The following LYN variants were observed in gnomAD, a reference collection of about 807,000 sequenced individuals.
LYN encodes the protein tyrosine-protein kinase Lyn.
A neutral mutation model predicts 65.0 loss-of-function variants in LYN; 12 were observed. That is an observed-to-expected ratio of 0.18 (90% confidence interval 0.12 to 0.30). LYN has a LOEUF of 0.30. Among genes scored for constraint, LYN ranks in the 10% least tolerant of loss-of-function variants. LYN has a pLI of 1.00. For synonymous variants in LYN, 222 were observed against 221.2 expected (o/e 1.00, Z -0.03); for missense variants, 380 against 623.2 (o/e 0.61, Z 4.16).
intron 12 of LYN, among the ~76,000 whole-genome samples, chr8:56,005,195 C>G (rs1403965301): frequency 6.6e-6 from 1 of 152,226 alleles, no homozygotes; most frequent in African/African-American, 2.4e-5. Context: ...TTCTCAGTCT[C>G]TACTTTAGAG....
At chr8:55,882,355 A>G (rs980954270) in intron 1 of LYN, among the ~76,000 whole-genome samples, 2 of 152,230 alleles carry the variant, frequency 1.3e-5, no homozygotes, top group East Asian at 1.9e-4. Flanking sequence ...TTTTACTTCT[A>G]TCTGCAATAT....
At chr8:55,880,652 G>A (rs1254651806) in intron 1 of LYN, among the ~76,000 whole-genome samples, 1 of 152,224 alleles carries the variant, frequency 6.6e-6, no homozygotes, top group Admixed American at 6.5e-5. Context: ...TGGTGGCCCC[G>A]GGCAGGAGCG....
chr8:56,003,062 GTT>G (rs749463299), intron 12 of LYN, among the ~76,000 whole-genome samples: 10 of 136,834 alleles, frequency 7.3e-5, no homozygotes, highest in Admixed American at 1.5e-4. Flanking sequence ...TTTGTTTTTT[GTT>G]TTTTTTTTTT....
chr8:55,952,517 G>A (rs1350019168), intron 7 of LYN, among the ~76,000 whole-genome samples: 2 of 152,142 alleles, frequency 1.3e-5, no homozygotes, highest in Non-Finnish European at 1.5e-5. Context: ...CTGAGATCGC[G>A]CCACTGCACT....
intron 10 of LYN, among the ~76,000 whole-genome samples, chr8:55,989,074 G>A (rs1468054336): frequency 1.3e-5 from 2 of 152,160 alleles, no homozygotes; most frequent in Non-Finnish European, 2.9e-5. Flanking sequence ...GTAGCAGCCG[G>A]GTATGTGTGC....
chr8:55,973,818 C>A (rs1322911197), intron 10 of LYN, among the ~76,000 whole-genome samples: 1 of 152,196 alleles, frequency 6.6e-6, no homozygotes, highest in Non-Finnish European at 1.5e-5. Context: ...AAGTGGCATG[C>A]ACCTATTGTC....
intron 1 of LYN, among the ~76,000 whole-genome samples, chr8:55,903,124 T>C (rs896055009): frequency 9.2e-5 from 14 of 151,894 alleles, no homozygotes; most frequent in African/African-American, 1.5e-4. Context: ...TGGGATTACA[T>C]GCGTGAGCCA....
At chr8:55,897,799 G>A (rs1227001301) in intron 1 of LYN, among the ~76,000 whole-genome samples, 2 of 152,086 alleles carry the variant, frequency 1.3e-5, no homozygotes, top group Non-Finnish European at 2.9e-5. Context: ...TGTATTCCCA[G>A]CTACTCAGGA....
chr8:55,947,742 G>T lies in LYN; in HGVS notation c.284+19G>T, dbSNP rs1806826274. On this transcript the variant is annotated intron_variant, in intron 4 of 12. Coordinates refer to ENST00000519728, the MANE Select transcript of LYN (RefSeq NM_002350.4). Reference sequence around the variant, plus strand: ...TGGAGGAGTAAGTGCTCTCAAGCACGCCACGGCTGCTCGTTTCCTCAGGCC... The same window carrying T: ...TGGAGGAGTAAGTGCTCTCAAGCACTCCACGGCTGCTCGTTTCCTCAGGCC... 2.0e-6 allele frequency: 3 copies of T among 1,537,990 alleles called. No homozygotes were observed. Among genetic ancestry groups the T allele is most frequent in the Non-Finnish European group, 2.7e-6 (3 of 1,111,136 alleles).
At chr8:55,907,048 C>T (rs569157209) in intron 1 of LYN, among the ~76,000 whole-genome samples, 24 of 152,310 alleles carry the variant, frequency 1.6e-4, no homozygotes, top group Non-Finnish European at 2.4e-4. Flanking sequence ...AATCTACATA[C>T]ATCTACCTCA....
intron 8 of LYN, among the ~76,000 whole-genome samples, chr8:55,965,879 C>T (rs1368501898): frequency 6.6e-6 from 1 of 152,060 alleles, no homozygotes; most frequent in Non-Finnish European, 1.5e-5. Flanking sequence ...AATCCCAGCA[C>T]TTTGGGAGGC....
intron 8 of LYN, among the ~76,000 whole-genome samples, chr8:55,954,256 T>A (rs1457328489): frequency 6.6e-6 from 1 of 152,244 alleles, no homozygotes; most frequent in African/African-American, 2.4e-5. Context: ...TATTTCTTCA[T>A]GATTCCCTCA....
At chr8:55,919,986 T>C (rs1226038344) in intron 1 of LYN, among the ~76,000 whole-genome samples, 2 of 152,206 alleles carry the variant, frequency 1.3e-5, no homozygotes, top group Non-Finnish European at 2.9e-5. Flanking sequence ...TAACATGGCT[T>C]GAGGCTGAAA....
intron 1 of LYN, among the ~76,000 whole-genome samples, chr8:55,921,901 C>T (rs566733688): frequency 2.0e-5 from 3 of 152,222 alleles, no homozygotes; most frequent in African/African-American, 7.2e-5. Context: ...TTACAAGTGC[C>T]GAACAATGTT....
chr8:55,898,362 C>G (rs1218207431), intron 1 of LYN, among the ~76,000 whole-genome samples: 1 of 152,040 alleles, frequency 6.6e-6, no homozygotes, highest in African/African-American at 2.4e-5. Flanking sequence ...ACTCTTGGCT[C>G]ACTGCAACCT....
chr8:55,972,036 G>T (rs16922494), intron 10 of LYN, among the ~76,000 whole-genome samples: 32,617 of 151,952 alleles, frequency 0.21, 3,590 homozygotes, highest in Middle Eastern at 0.27. Flanking sequence ...GGCACCAGTG[G>T]TCTCCATCCA....
At chr8:55,966,368 A>ATT (rs34484836) in intron 8 of LYN, among the ~76,000 whole-genome samples, 102 of 147,832 alleles carry the variant, frequency 6.9e-4, no homozygotes, top group Admixed American at 1.5e-3. Flanking sequence ...TGAAGTTTTA[A>ATT]TTTTTTTTTT....
At chr8:55,953,200 G>A (rs1807002952) in intron 7 of LYN, among the ~76,000 whole-genome samples, 1 of 152,196 alleles carries the variant, frequency 6.6e-6, no homozygotes, top group South Asian at 2.1e-4. Flanking sequence ...ATGGTGCCCT[G>A]TGAAGCTTAA....
intron 1 of LYN, among the ~76,000 whole-genome samples, chr8:55,896,587 T>C (rs1302074859): frequency 6.6e-6 from 1 of 152,134 alleles, no homozygotes; most frequent in Admixed American, 6.6e-5. Context: ...CAAACCACCA[T>C]GGCTCATGTA....
Sources: allele counts gnomAD v4.1 joint callset (sites outside exome capture counted in the v4.1 genomes callset), GRCh38; gene constraint gnomAD v4.1.1; transcripts MANE v1.5; gene names NCBI Gene and HGNC (gene_info 2026-07-23, HGNC 2026-07-21).